PGM3: variants seen among roughly 807,000 people sequenced by gnomAD.
The protein encoded by PGM3 is phosphoacetylglucosamine mutase.
PGM3 carries 40 observed loss-of-function variants against 66.2 expected under a neutral mutation model. That is an observed-to-expected ratio of 0.60 (90% CI 0.47 to 0.79). The LOEUF is 0.79. Ranked by LOEUF, PGM3 falls within the 30% of genes least tolerant of loss-of-function variation. The pLI is 0.00. For synonymous variants in PGM3, 191 were observed against 224.2 expected, an observed-to-expected ratio of 0.85 and a Z score of 1.32; for missense variants, 537 against 643.4, an observed-to-expected ratio of 0.83 and a Z score of 1.79.
chr6:83,180,831 C>T (rs1416412925), intron 6 of PGM3, among the ~76,000 whole-genome samples: 1 of 152,154 alleles, frequency 6.6e-6, no homozygotes, highest in East Asian at 1.9e-4. Context: ...CTAAGTAAAG[C>T]ATAATAACAT....
intron 2 of PGM3, among the ~76,000 whole-genome samples, chr6:83,189,860 T>C (rs1010157195): frequency 2.0e-5 from 3 of 152,214 alleles, no homozygotes; most frequent in Non-Finnish European, 4.4e-5. Context: ...TGGAAGACAT[T>C]ATGCGAAGTT....
chr6:83,155,563 G>A, the PGM3 span, among the ~76,000 whole-genome samples: 1 of 152,178 alleles, frequency 6.6e-6, no homozygotes, highest in East Asian at 1.9e-4. Flanking sequence ...AGAGTGAGTT[G>A]AGGGTGAGTA....
chr6:83,154,190 A>G, the PGM3 span: 1 of 1,613,928 alleles, frequency 6.2e-7, no homozygotes, highest in South Asian at 1.1e-5. Context: ...TTGGAGAGCA[A>G]TTATGGACAA....
intron 9 of PGM3, among the ~76,000 whole-genome samples, chr6:83,175,484 CATT>C (rs1444425885): frequency 6.6e-6 from 1 of 152,104 alleles, no homozygotes; most frequent in African/African-American, 2.4e-5. Context: ...ATATTCTGAA[CATT>C]ATGAATCTAC....
At chr6:83,181,470 G>C (rs2128496956) in intron 6 of PGM3, among the ~76,000 whole-genome samples, 1 of 152,300 alleles carries the variant, frequency 6.6e-6, no homozygotes, top group South Asian at 2.1e-4. Flanking sequence ...ATGCCAGTTT[G>C]AGAACCACTG....
At chr6:83,178,884 G>A in intron 7 of PGM3, 128 bp from the exon 8 acceptor site, 1 of 646,498 alleles carries the variant, frequency 1.5e-6, no homozygotes. Context: ...TGCCAAAAAT[G>A]TCTGACTGAA....
intron 1 of PGM3, 98 bp from the exon 2 acceptor site, chr6:83,191,112 T>C (rs1170949984): frequency 1.4e-6 from 2 of 1,456,344 alleles, no homozygotes; most frequent in East Asian, 2.4e-5. Context: ...GTCTGTCTCA[T>C]CCTGAACCTC....
In PGM3 at chr6:83,167,840, G is replaced by A. The variant is rs1219547686; in HGVS notation, c.*1394C>T. The A allele has an allele frequency of 2.5e-6, 4 of 1,590,000 alleles. No homozygotes were observed. Among genetic ancestry groups the A allele is most frequent in the Non-Finnish European group, 3.4e-6 (4 of 1,167,704 alleles). On this transcript the variant is annotated 3_prime_UTR_variant, in exon 13 of 13. Transcript: ENST00000513973. ...CACATTGTCTGTTGTATTAATACCA[G>A]TTCACTTTTTGTTTTCTGCAGAAAA...
chr6:83,161,819 C>G (rs368390939), downstream of PGM3, among the ~76,000 whole-genome samples: 186 of 152,196 alleles, frequency 1.2e-3, no homozygotes, highest in Middle Eastern at 3.4e-3. Context: ...TCTGCTACAT[C>G]CAAGGATTTA....
rs1785824111 is a variant in PGM3 at position 83,166,872 on chromosome 6, C to CA, written c.*2361dup. 2 of 993,774 alleles carry CA rather than the reference C, an allele frequency of 2.0e-6. No individual in the cohort carries two copies. The highest frequency in any genetic ancestry group is 2.4e-6 in the Non-Finnish European group (2 of 835,688). 61.6% of individuals were successfully genotyped at this position (993,774 alleles called of 1,614,324 possible). On this transcript the variant is annotated 3_prime_UTR_variant, in exon 13 of 13. Coordinates refer to ENST00000513973, the MANE Select transcript of PGM3 (RefSeq NM_015599.3). ...AGGCAAACTCCATTTGTTAATATGA[C>CA]AGATTGTAATTCTGCTTCCTAAGTC...
In PGM3 at chr6:83,169,121, G is replaced by A. The variant is rs914361296; in HGVS notation, c.*113C>T. ...GAAAAACAGATCTAGAGACAATCCAGTAGGCTGCATTGTAAACATTATGAT... is the reference window on the plus strand; with the variant it reads ...GAAAAACAGATCTAGAGACAATCCAATAGGCTGCATTGTAAACATTATGAT... On this transcript the variant is annotated 3_prime_UTR_variant, in exon 13 of 13. Coordinates refer to ENST00000513973, the MANE Select transcript of PGM3 (RefSeq NM_015599.3). 3 of 1,512,662 alleles carry A rather than the reference G, an allele frequency of 2.0e-6. No homozygotes were observed. Among genetic ancestry groups the A allele is most frequent in the East Asian group, 2.5e-5 (1 of 40,728 alleles). 93.7% of individuals were successfully genotyped at this position (1,512,662 alleles called of 1,614,324 possible).
At chr6:83,155,906 T>G in the PGM3 span, 1 of 1,581,872 alleles carries the variant, frequency 6.3e-7, no homozygotes, top group Non-Finnish European at 8.6e-7. Flanking sequence ...AGAATAATCT[T>G]TCTTCAGATG....
chr6:83,178,347 T>C (rs1163360719), intron 8 of PGM3, among the ~76,000 whole-genome samples: 1 of 152,194 alleles, frequency 6.6e-6, no homozygotes, highest in Non-Finnish European at 1.5e-5. Context: ...TATTTGAAAT[T>C]GGTGACTCTA....
At chr6:83,183,419 G>C (rs1433767083) in intron 4 of PGM3, among the ~76,000 whole-genome samples, 1 of 152,188 alleles carries the variant, frequency 6.6e-6, no homozygotes, top group African/African-American at 2.4e-5. Flanking sequence ...GTTTTGTTCT[G>C]AAGTTATTCC....
At chr6:83,159,733 C>G, downstream of PGM3, 1 of 1,582,066 alleles carries the variant, frequency 6.3e-7, no homozygotes. Flanking sequence ...ACTTTTAGAT[C>G]TTTCCAGGAA....
chr6:83,177,673 C>T (rs556755104), intron 8 of PGM3, among the ~76,000 whole-genome samples: 68 of 152,156 alleles, frequency 4.5e-4, no homozygotes, highest in Non-Finnish European at 9.3e-4. Flanking sequence ...CTGACTAGGC[C>T]TTGTCCTTAG....
intron 4 of PGM3, among the ~76,000 whole-genome samples, chr6:83,186,329 A>G (rs1180491152): frequency 6.6e-6 from 1 of 152,196 alleles, no homozygotes; most frequent in African/African-American, 2.4e-5. Flanking sequence ...GAAGAGGAGG[A>G]AACAGAGAAG....
At position 83,168,318 on chromosome 6, in the gene PGM3, G is replaced by A. The variant is rs1786348195; in HGVS notation, c.*916C>T. 7.0e-7 allele frequency: 1 copy of A among 1,422,936 alleles called. No individual in the cohort carries two copies. Among genetic ancestry groups the A allele is most frequent in the Admixed American group, 2.9e-5 (1 of 34,298 alleles). The allele number at this position is 1,422,936 out of a possible 1,614,324, so 88.1% of individuals were successfully genotyped here. On this transcript the variant is annotated 3_prime_UTR_variant, in exon 13 of 13. Coordinates refer to ENST00000513973, the MANE Select transcript of PGM3 (RefSeq NM_015599.3). ...TAAATATTTGTATATAAGAGCAAAT[G>A]TCTGAATGTGGCCTGAATCAAGTTT... is the stretch of plus-strand genomic sequence containing the variant.
At chr6:83,160,949 T>C (rs1460031310), downstream of PGM3, among the ~76,000 whole-genome samples, 1 of 151,992 alleles carries the variant, frequency 6.6e-6, no homozygotes, top group Admixed American at 6.5e-5. Flanking sequence ...TCTAGTTCCT[T>C]TAATTTTCTC....
Sources: gnomAD v4.1 joint callset for allele counts (sites outside exome capture counted in the v4.1 genomes callset) on GRCh38, gnomAD v4.1.1 for gene constraint, MANE v1.5 for transcripts, NCBI Gene and HGNC (gene_info 2026-07-23, HGNC 2026-07-21) for gene names.